Variants in PPP6R2 observed in about 807,000 individuals in gnomAD.
The protein encoded by PPP6R2 is protein phosphatase 6 regulatory subunit 2, also known as serine/threonine-protein phosphatase 6 regulatory subunit 2.
PPP6R2 carries 62 observed loss-of-function variants against 100.2 expected under a neutral mutation model. The ratio of observed to expected loss-of-function variants is 0.62; its 90% confidence interval spans 0.50 to 0.76. PPP6R2 has a LOEUF of 0.76. Ranked by LOEUF, PPP6R2 falls within the 30% of genes least tolerant of loss-of-function variation. The pLI is 0.00. For missense variants in PPP6R2, 1,142 were observed against 1,276.3 expected (o/e 0.89, Z 1.60); for synonymous variants, 525 against 514.7 (o/e 1.02, Z -0.27).
chr22:50,419,353 G>T lies in PPP6R2; in HGVS notation c.736G>T (p.Asp246Tyr). ...DPLLTALESQ[D>Y]CVEQLLKNMF... is the part of the protein sequence containing the mutation. ...ACCTCTGTGTGTGTCCAGCAGGCAG[G>T]ACTGTGTGGAGCAGCTTCTGAAGAA... The change falls in exon 8 of 24, where the codon GAC becomes TAC. Residue 246 changes from aspartate (D) to tyrosine (Y), a missense_variant. By Grantham distance (160) the Asp-to-Tyr change is radical. This residue lies in a region of PPP6R2 where 592 missense variants were observed against 758.9 expected (regional missense o/e 0.78). Coordinates refer to ENST00000612753, the MANE Select transcript of PPP6R2 (RefSeq NM_001242898.2). 6.2e-7 allele frequency: 1 copy of T among 1,614,046 alleles called. No individual in the cohort carries two copies. The highest frequency in any genetic ancestry group is 1.6e-4 in the Middle Eastern group (1 of 6,062).
At chr22:50,338,502 GGTGTGTGTAGTGTGTGTGTGCGGT>G (rs1298297692), upstream of PPP6R2, among the ~76,000 whole-genome samples, 22 of 140,314 alleles carry the variant, frequency 1.6e-4, no homozygotes, top group Middle Eastern at 4.5e-3. Context: ...TGTGGTATGT[GGTGTGTGTAGTGTGTGTGTGCGGT>G]GTGTGTGTAG....
chr22:50,371,337 C>T (rs190386348), intron 1 of PPP6R2, among the ~76,000 whole-genome samples: 16 of 151,962 alleles, frequency 1.1e-4, no homozygotes, highest in Non-Finnish European at 2.2e-4. Flanking sequence ...GTATGGTGAC[C>T]TCCCAGAAAA....
rs376751493 is a variant in PPP6R2 at position 50,431,353 on chromosome 22, A to G, written c.1306A>G (p.Ser436Gly). 35 of 1,612,764 alleles carry G rather than the reference A, an allele frequency of 2.2e-5. No homozygotes were observed. In the African/African-American group the frequency reaches 3.5e-4, roughly 16 times the overall value. Residue 436 changes from serine to glycine, a missense_variant, in exon 11 of 24, where the codon AGC becomes GGC. Physicochemically the swap from Ser to Gly is moderately conservative, Grantham distance 56. Coordinates refer to ENST00000612753, the MANE Select transcript of PPP6R2 (RefSeq NM_001242898.2). This position sits in a 1 kb window ranked among gnomAD's most constrained non-coding sequence, Gnocchi z 4.8. ...CCTGGAGACTCCCCAGCCGGCCGCC[A>G]GCCTCCCTGACAACACAATGGTGAC... ...RSLETPQPAA[S>G]LPDNTMVTHL... is the part of the protein sequence containing the mutation.
At chr22:50,337,888 G>GTGAA in the PPP6R2 span, among the ~76,000 whole-genome samples, 1 of 136,740 alleles carries the variant, frequency 7.3e-6, no homozygotes, top group Non-Finnish European at 1.6e-5. Context: ...TGTGGTGTGT[G>GTGAA]GTGTGTGTGG....
chr22:50,362,287 A>C (rs2047943572), intron 1 of PPP6R2, among the ~76,000 whole-genome samples: 1 of 152,190 alleles, frequency 6.6e-6, no homozygotes. Flanking sequence ...CATCCTATGT[A>C]ACAGCCAGGA....
chr22:50,435,165 C>G (rs1260848031), intron 13 of PPP6R2, 84 bp downstream of exon 13: 7 of 1,171,742 alleles, frequency 6.0e-6, no homozygotes, highest in Non-Finnish European at 8.1e-6. Context: ...AAGCTCTGCC[C>G]GGCAGCAGGT....
chr22:50,419,767 C>T (rs886155652), intron 8 of PPP6R2, among the ~76,000 whole-genome samples: 17 of 152,186 alleles, frequency 1.1e-4, no homozygotes, highest in Non-Finnish European at 2.4e-4. Context: ...ACTGTTCCGA[C>T]AAGTCCCCAC....
intron 2 of PPP6R2, among the ~76,000 whole-genome samples, chr22:50,374,729 T>C (rs1190555910): frequency 6.6e-5 from 10 of 151,954 alleles, no homozygotes; most frequent in Admixed American, 6.6e-4. Context: ...TCTTTGCTAA[T>C]ACGGTGAAAC....
chr22:50,417,403 C>T (rs963075868), intron 6 of PPP6R2, among the ~76,000 whole-genome samples: 1 of 152,090 alleles, frequency 6.6e-6, no homozygotes, highest in Admixed American at 6.5e-5. Context: ...TTGCTAGGGG[C>T]CCCCTAGGAG....
chr22:50,348,048 A>G (rs1291451518), intron 1 of PPP6R2, among the ~76,000 whole-genome samples: 2 of 152,198 alleles, frequency 1.3e-5, no homozygotes, highest in Non-Finnish European at 2.9e-5. Flanking sequence ...CTGAGAGGAC[A>G]GCACATGCAA....
At chr22:50,415,172 C>T (rs577554148) in intron 5 of PPP6R2, among the ~76,000 whole-genome samples, 3 of 152,194 alleles carry the variant, frequency 2.0e-5, no homozygotes, top group African/African-American at 7.2e-5. Flanking sequence ...CTACAGTTCC[C>T]GAAAAGAGGA....
In PPP6R2 at chr22:50,431,107, G is replaced by A. The variant is rs1290488694; in HGVS notation, c.1126-66G>A. Reference sequence around the variant, plus strand: ...CCACCTTTAGGAAGGGTTTCCCTCAGCTTTGTGGTGTAGCCGGCAGGAGAA... The same window carrying A: ...CCACCTTTAGGAAGGGTTTCCCTCAACTTTGTGGTGTAGCCGGCAGGAGAA... On this transcript the variant is annotated intron_variant, in intron 10 of 23. Transcript: ENST00000612753. This position sits in a 1 kb window ranked among gnomAD's most constrained non-coding sequence, Gnocchi z 4.8. The A allele has an allele frequency of 2.2e-6, 3 of 1,353,942 alleles. No individual in the cohort carries two copies. The African/African-American group carries it at 4.3e-5, about 19-fold the overall frequency. 83.9% of individuals were successfully genotyped at this position (1,353,942 alleles called of 1,614,324 possible).
chr22:50,351,165 C>T (rs1380273054), intron 1 of PPP6R2, among the ~76,000 whole-genome samples: 8 of 141,106 alleles, frequency 5.7e-5, no homozygotes, highest in Non-Finnish European at 1.2e-4. Flanking sequence ...CTCAGCCTCC[C>T]TAGTGGCTGG....
At chr22:50,364,876 A>G (rs868143331) in intron 1 of PPP6R2, among the ~76,000 whole-genome samples, 1 of 152,304 alleles carries the variant, frequency 6.6e-6, no homozygotes, top group Middle Eastern at 3.4e-3. Context: ...GGCTTACAGC[A>G]GAAGTACGGT....
At chr22:50,357,983 G>C (rs1324935160) in intron 1 of PPP6R2, among the ~76,000 whole-genome samples, 5 of 151,938 alleles carry the variant, frequency 3.3e-5, no homozygotes, top group African/African-American at 1.2e-4. Flanking sequence ...ACACGGTCTC[G>C]CTTTGTTGCC....
chr22:50,379,402 T>G (rs950351178), intron 2 of PPP6R2, among the ~76,000 whole-genome samples: 1 of 151,906 alleles, frequency 6.6e-6, no homozygotes, highest in African/African-American at 2.4e-5. Context: ...GAGGCTGAGG[T>G]GGGAGTATCA....
chr22:50,350,875 A>G (rs936341240), intron 1 of PPP6R2, among the ~76,000 whole-genome samples: 4 of 151,230 alleles, frequency 2.6e-5, no homozygotes, highest in Admixed American at 1.3e-4. Context: ...TCCTTGATCC[A>G]TGGGCTGCAG....
In PPP6R2 at chr22:50,365,322, C is replaced by T. The variant is rs552002188; in HGVS notation, c.-147-6698C>T. 2.6e-5 allele frequency among the ~76,000 whole-genome samples: 4 copies of T among 152,146 alleles called. No individual in the cohort carries two copies. The South Asian group carries it at 6.2e-4, about 24-fold the overall frequency. Reference sequence around the variant, plus strand: ...CCGACCTCAGGCGATGCATCTGCCTCGGCCTCCCAAAGTGCTGGGATTACA... The same window carrying T: ...CCGACCTCAGGCGATGCATCTGCCTTGGCCTCCCAAAGTGCTGGGATTACA... On this transcript the variant is annotated intron_variant, in intron 1 of 23. Coordinates refer to ENST00000612753, the MANE Select transcript of PPP6R2 (RefSeq NM_001242898.2).
intron 2 of PPP6R2, among the ~76,000 whole-genome samples, chr22:50,392,228 T>C (rs1405170516): frequency 6.6e-6 from 1 of 151,818 alleles, no homozygotes; most frequent in Non-Finnish European, 1.5e-5. Flanking sequence ...AGACCAGGCT[T>C]GGTGGCTCAG....
Sources: gnomAD v4.1 joint callset for allele counts (sites outside exome capture counted in the v4.1 genomes callset) on GRCh38, gnomAD v4.1.1 for gene constraint, gnomAD v4.1.1 regional missense constraint, Gnocchi (gnomAD v3.1) non-coding constraint, MANE v1.5 for transcripts, NCBI Gene and HGNC (gene_info 2026-07-23, HGNC 2026-07-21) for gene names.